PNPT1: variants seen among roughly 807,000 people sequenced by gnomAD.
PNPT1 encodes polyribonucleotide nucleotidyltransferase 1, mitochondrial.
PNPT1 carries 53 observed loss-of-function variants against 119.5 expected under a neutral mutation model. The ratio of observed to expected loss-of-function variants is 0.44; its 90% CI spans 0.36 to 0.56. The LOEUF is 0.56. Ranked by LOEUF, PNPT1 falls within the 20% of genes least tolerant of loss-of-function variation. PNPT1 has a pLI of 0.00. For missense variants in PNPT1, 948 were observed against 938.5 expected (o/e 1.01, Z -0.13); for synonymous variants, 357 against 322.1 (o/e 1.11, Z -1.16).
chr2:55,671,983 A>G lies in PNPT1; in HGVS notation c.918+12T>C. The G allele has an allele frequency of 6.3e-7, 1 of 1,579,756 alleles. No homozygotes were observed. Among genetic ancestry groups the G allele is most frequent in the Non-Finnish European group, 8.6e-7 (1 of 1,161,980 alleles). On this transcript the variant is annotated intron_variant, in intron 10 of 27. Transcript: ENST00000447944. ...AGGGCAATTATGGAAGACAAAACTCAGGTATACCTACTTTGTCATGCTCGT... is the reference window on the plus strand; with the variant it reads ...AGGGCAATTATGGAAGACAAAACTCGGGTATACCTACTTTGTCATGCTCGT...
rs183123236 is a variant in PNPT1 at position 55,639,716 on chromosome 2, T to A, written c.2148+911A>T. On this transcript the variant is annotated intron_variant, in intron 26 of 27. Transcript: ENST00000447944. ...TGATTATCTCTTAACCTTATTGAAA[T>A]TTTTGCCATATAATTAAAAAATTAT... Among the ~76,000 whole-genome samples, 202 of 152,322 alleles carry A rather than the reference T, an allele frequency of 1.3e-3. 1 individual carries two copies. The highest frequency in any genetic ancestry group is 6.2e-4 in the Non-Finnish European group (42 of 68,024).
chr2:55,654,701 A>G (rs1386617443), intron 18 of PNPT1, among the ~76,000 whole-genome samples, 199 bp downstream of exon 18: 1 of 152,168 alleles, frequency 6.6e-6, no homozygotes, highest in Non-Finnish European at 1.5e-5. Context: ...AAGAAATCTT[A>G]TATTTTATAC....
At chr2:55,670,833 G>A (rs1218143469) in intron 11 of PNPT1, among the ~76,000 whole-genome samples, 1 of 152,106 alleles carries the variant, frequency 6.6e-6, no homozygotes, top group Non-Finnish European at 1.5e-5. Flanking sequence ...TACCTACTCT[G>A]CATCAAATGT....
intron 5 of PNPT1, 99 bp downstream of exon 5, chr2:55,683,686 C>T: frequency 4.9e-6 from 5 of 1,029,872 alleles, no homozygotes; most frequent in Non-Finnish European, 5.6e-6. Context: ...ATAAAAAATT[C>T]TTATGTTCTT....
chr2:55,678,217 G>A (rs1451473691), intron 8 of PNPT1, among the ~76,000 whole-genome samples: 1 of 152,124 alleles, frequency 6.6e-6, no homozygotes, highest in Non-Finnish European at 1.5e-5. Flanking sequence ...CAATGCAGAT[G>A]AACAGGAAAC....
intron 1 of PNPT1, among the ~76,000 whole-genome samples, chr2:55,691,848 T>TTATATATATATATA (rs869195974): frequency 8.8e-4 from 77 of 87,132 alleles, no homozygotes; most frequent in South Asian, 2.2e-3. Flanking sequence ...TTAAAAATGT[T>TTATATATATATATA]TATATATATA....
At chr2:55,683,560 C>G (rs1697310455) in intron 5 of PNPT1, among the ~76,000 whole-genome samples, 1 of 146,322 alleles carries the variant, frequency 6.8e-6, no homozygotes. Flanking sequence ...TTGCAGTGAG[C>G]TGAGATCGTG....
rs746263351 is a variant in PNPT1 at position 55,646,297 on chromosome 2, G to C, written c.1700C>G (p.Pro567Arg). 3 of 1,612,648 alleles carry C rather than the reference G, an allele frequency of 1.9e-6. No homozygotes were observed. Among genetic ancestry groups the C allele is most frequent in the Non-Finnish European group, 2.5e-6 (3 of 1,179,128 alleles). ...AATAGCCTCCATCACAATTTTTATT[G>C]GTATTCCAGGTAATTTAATATCAGC... is the stretch of plus-strand genomic sequence containing the variant. The part of the protein sequence containing the change: ...LQADIKLPGI[P>R]IKIVMEAIQQ... The change falls in exon 21 of 28, where the codon CCA becomes CGA. Residue 567 changes from proline to arginine, a missense_variant. By Grantham distance (103) the Pro-to-Arg change is moderately radical. Transcript: ENST00000447944.
chr2:55,666,699 A>G (rs1696743362), intron 13 of PNPT1, among the ~76,000 whole-genome samples: 1 of 152,116 alleles, frequency 6.6e-6, no homozygotes, highest in Non-Finnish European at 1.5e-5. Context: ...TTAATTAACC[A>G]GGCATAGTGG....
chr2:55,647,930 TATA>T (rs934442241), intron 18 of PNPT1, among the ~76,000 whole-genome samples: 1 of 152,234 alleles, frequency 6.6e-6, no homozygotes, highest in Admixed American at 6.5e-5. Flanking sequence ...TTTTTGAACA[TATA>T]ATAAAGTTCC....
Position 55,671,371 on chromosome 2 carries a change from G to A in PNPT1, c.924C>T (p.Ser308=). The change falls in exon 11 of 28, where the codon TCC becomes TCT. Residue 308 remains serine, a synonymous_variant. Transcript: ENST00000447944. The part of the protein sequence containing the change: ...VFTDYEHDKV[S]RDEAVNKIRL... ...TTATTTTGTTAACAGCTTCATCTCTGGAAACCTAAAAGAAAGTTGAGGTTC... is the reference window on the plus strand; with the variant it reads ...TTATTTTGTTAACAGCTTCATCTCTAGAAACCTAAAAGAAAGTTGAGGTTC... 6.6e-7 allele frequency: 1 copy of A among 1,524,576 alleles called. No individual in the cohort carries two copies. Among genetic ancestry groups the A allele is most frequent in the Non-Finnish European group, 8.8e-7 (1 of 1,132,270 alleles). The allele number at this position is 1,524,576 out of a possible 1,614,324, so 94.4% of individuals were successfully genotyped here. A position where few individuals can be genotyped will look rare whatever the true frequency, so the allele number is the denominator to read the frequency against.
intron 26 of PNPT1, 125 bp from the exon 27 acceptor site, chr2:55,637,724 C>T: frequency 1.3e-6 from 1 of 791,576 alleles, no homozygotes; most frequent in Non-Finnish European, 2.1e-6. Context: ...CGGCTGGGCG[C>T]AGTGGCTCAA....
At position 55,672,819 on chromosome 2, in the gene PNPT1, T is replaced by A. The variant is rs993103097; in HGVS notation, c.866+74A>T. The A allele has an allele frequency of 2.9e-6, 4 of 1,391,076 alleles. No individual in the cohort carries two copies. The African/African-American group carries it at 4.4e-5, about 15-fold the overall frequency. 86.2% of individuals were successfully genotyped at this position (1,391,076 alleles called of 1,614,324 possible). On this transcript the variant is annotated intron_variant, in intron 9 of 27. Transcript: ENST00000447944. ...AAGTAATGCATGGGCAGTGCTTCCA[T>A]GGGAAGTTTCTCTCCCACGAGGAAA...
At chr2:55,640,562 G>T in intron 26 of PNPT1, 65 bp downstream of exon 26, 2 of 1,314,394 alleles carry the variant, frequency 1.5e-6, no homozygotes, top group South Asian at 1.2e-5. Flanking sequence ...TACCAACCTA[G>T]GTAATTTCAA....
chr2:55,654,505 T>C (rs1433516850), intron 18 of PNPT1, among the ~76,000 whole-genome samples: 2 of 152,156 alleles, frequency 1.3e-5, no homozygotes, highest in South Asian at 2.1e-4. Flanking sequence ...CTCTACCTTT[T>C]GGAAGGAAAT....
At chr2:55,640,161 TC>T (rs1695792825) in intron 26 of PNPT1, among the ~76,000 whole-genome samples, 1 of 152,182 alleles carries the variant, frequency 6.6e-6, no homozygotes, top group South Asian at 2.1e-4. Context: ...AAACAGACAC[TC>T]TTTTTTTTTT....
At chr2:55,684,356 G>T (rs1697333323) in intron 4 of PNPT1, among the ~76,000 whole-genome samples, 1 of 152,134 alleles carries the variant, frequency 6.6e-6, no homozygotes, top group Admixed American at 6.5e-5. Flanking sequence ...CAGGCATGGT[G>T]GTGGGCACCT....
At chr2:55,637,497 T>G in intron 27 of PNPT1, 55 bp downstream of exon 27, 1 of 1,477,826 alleles carries the variant, frequency 6.8e-7, no homozygotes, top group Admixed American at 1.8e-5. Flanking sequence ...AAAAAAACAA[T>G]GGAAGCTTCA....
At chr2:55,637,868 C>T (rs1380409295) in intron 26 of PNPT1, among the ~76,000 whole-genome samples, 4 of 151,784 alleles carry the variant, frequency 2.6e-5, no homozygotes, top group Admixed American at 6.6e-5. Context: ...GGCATGGTGG[C>T]GGGCGCCTGT....
Sources: gnomAD v4.1 joint callset for allele counts (sites outside exome capture counted in the v4.1 genomes callset) on GRCh38, gnomAD v4.1.1 for gene constraint, MANE v1.5 for transcripts, NCBI Gene and HGNC (gene_info 2026-07-23, HGNC 2026-07-21) for gene names.